The following SLC22A5 variants were observed in gnomAD, a reference collection of about 807,000 sequenced individuals.
The protein encoded by SLC22A5 is solute carrier family 22 member 5.
In SLC22A5, 44 loss-of-function variants were observed where a neutral mutation model predicts 56.7. The ratio of observed to expected loss-of-function variants is 0.78; its 90% CI spans 0.61 to 1.00. The LOEUF is 1.00. Ranked by LOEUF, SLC22A5 falls within the 50% of genes least tolerant of loss-of-function variation. The pLI, the probability that SLC22A5 is intolerant of heterozygous loss-of-function variation, is 0.00. For synonymous variants in SLC22A5, 278 were observed against 292.1 expected (o/e 0.95, Z 0.49); for missense variants, 675 against 723.0 (o/e 0.93, Z 0.76).
At chr5:132,378,670 T>A (rs1752237671) in intron 2 of SLC22A5, 189 bp downstream of exon 2, 1 of 614,764 alleles carries the variant, frequency 1.6e-6, no homozygotes, top group African/African-American at 1.8e-5. Flanking sequence ...TCCGTAATTC[T>A]TGCTAAGTAA....
chr5:132,370,953 C>CTTTTTTTTTTTTTTTTTTTT, intron 1 of SLC22A5, among the ~76,000 whole-genome samples: 1 of 133,784 alleles, frequency 7.5e-6, no homozygotes, highest in Non-Finnish European at 1.6e-5. Context: ...AGTTGTCAGT[C>CTTTTTTTTTTTTTTTTTTTT]TTTTTTTTTT....
rs200125400 is a variant in SLC22A5, at chr5:132,390,866, G to A, written c.1229G>A (p.Gly410Asp). 50 of 1,614,202 alleles carry A rather than the reference G, an allele frequency of 3.1e-5. No individual in the cohort carries two copies. The East Asian group carries it at 1.0e-3, about 32-fold the overall frequency. Residue 410 changes from glycine to aspartate, a missense_variant, in exon 7 of 10, where the codon GGT becomes GAT. Gly to Asp is a moderately conservative substitution (Grantham distance 94). Transcript: ENST00000245407. ...TCCATGGCCACTGCCCTCTTCCTGG[G>A]TGGCAGTGTCCTTCTCTTCATGCAG... ...RYSMATALFLGGSVLLFMQLV... is the reference protein window; with the variant it reads ...RYSMATALFLDGSVLLFMQLV...
At chr5:132,391,357 A>C (rs1168002237) in intron 7 of SLC22A5, among the ~76,000 whole-genome samples, 1 of 152,196 alleles carries the variant, frequency 6.6e-6, no homozygotes, top group Non-Finnish European at 1.5e-5. Context: ...CCTAGATGAG[A>C]AGACAGACAA....
At position 132,370,052 on chromosome 5, in the gene SLC22A5, C is replaced by A; in HGVS notation, c.80C>A (p.Ala27Asp). 6.2e-7 allele frequency: 1 copy of A among 1,613,368 alleles called. No homozygotes were observed. Among genetic ancestry groups the A allele is most frequent in the South Asian group, 1.1e-5 (1 of 91,076 alleles). Residue 27 changes from alanine to aspartate, a missense_variant, in exon 1 of 10, where the codon GCC becomes GAC. Physicochemically the swap from Ala to Asp is moderately radical, Grantham distance 126. Coordinates refer to ENST00000245407, the MANE Select transcript of SLC22A5 (RefSeq NM_003060.4). Reference sequence around the variant, plus strand: ...CGCCTCATCTTCTTCCTGCTCAGCGCCAGCATCATCCCCAATGGCTTCACC... The same window carrying A: ...CGCCTCATCTTCTTCCTGCTCAGCGACAGCATCATCCCCAATGGCTTCACC... ...FQRLIFFLLS[A>D]SIIPNGFTGL...
In SLC22A5 at chr5:132,369,869, T is replaced by G. The variant is rs985225074; in HGVS notation, c.-104T>G. On this transcript the variant is annotated 5_prime_UTR_variant, in exon 1 of 10. Transcript: ENST00000245407. ...CCTCCGCGGACGGTCTTGGGTCGCCTGCTGCCTGGCTTGCCTGGTCGGCGG... is the reference window on the plus strand; with the variant it reads ...CCTCCGCGGACGGTCTTGGGTCGCCGGCTGCCTGGCTTGCCTGGTCGGCGG... The G allele has an allele frequency of 1.3e-6, 2 of 1,482,824 alleles. No individual in the cohort carries two copies. Among genetic ancestry groups the G allele is most frequent in the African/African-American group, 2.8e-5 (2 of 71,848 alleles). The allele number at this position is 1,482,824 out of a possible 1,614,324, so 91.9% of individuals were successfully genotyped here.
intron 5 of SLC22A5, among the ~76,000 whole-genome samples, chr5:132,387,497 TTG>T (rs1752575175): frequency 6.6e-6 from 1 of 152,236 alleles, no homozygotes; most frequent in Non-Finnish European, 1.5e-5. Flanking sequence ...GGGAAAATCA[TTG>T]TTTCTTATAC....
chr5:132,387,279 A>G, intron 5 of SLC22A5, 128 bp downstream of exon 5: 1 of 1,106,520 alleles, frequency 9.0e-7, no homozygotes. Flanking sequence ...CCAACTGCCC[A>G]TTCCCCCCAT....
chr5:132,394,582 G>T lies in SLC22A5; in HGVS notation c.*310G>T, dbSNP rs981529559. The T allele has an allele frequency of 2.3e-6, 1 of 438,990 alleles. No individual in the cohort carries two copies. 27.2% of individuals were successfully genotyped at this position (438,990 alleles called of 1,614,324 possible). A position where few individuals can be genotyped will look rare whatever the true frequency, so the allele number is the denominator to read the frequency against. On this transcript the variant is annotated 3_prime_UTR_variant, in exon 10 of 10. Transcript: ENST00000245407. The stretch of plus-strand genomic sequence containing the variant: ...GAACCAGTGAGATCTGGAGGAATGT[G>T]AGAAGCATATGCTAAATGTACATTT...
intron 1 of SLC22A5, among the ~76,000 whole-genome samples, chr5:132,374,668 T>G (rs1251642138): frequency 6.6e-6 from 1 of 151,458 alleles, no homozygotes; most frequent in Non-Finnish European, 1.5e-5. Context: ...TGGCCATGAG[T>G]GGTCAGATTG....
intron 4 of SLC22A5, among the ~76,000 whole-genome samples, chr5:132,386,293 T>C (rs1752526714): frequency 6.6e-6 from 1 of 151,956 alleles, no homozygotes; most frequent in Non-Finnish European, 1.5e-5. Context: ...AGTGGCGTGA[T>C]TTCCACTTAC....
At chr5:132,385,012 GA>G (rs963778207) in intron 3 of SLC22A5, among the ~76,000 whole-genome samples, 7 of 152,150 alleles carry the variant, frequency 4.6e-5, no homozygotes, top group African/African-American at 1.7e-4. Flanking sequence ...ACTTAGTAAT[GA>G]CTTCACTTTT....
intron 6 of SLC22A5, 25 bp downstream of exon 6, chr5:132,389,046 G>T: frequency 3.4e-6 from 5 of 1,489,492 alleles, no homozygotes; most frequent in Admixed American, 1.7e-5. Flanking sequence ...CCTGCCTGAG[G>T]CTTCCAGACA....
At chr5:132,380,245 G>A (rs1204873490) in intron 2 of SLC22A5, 2 of 152,398 alleles carry the variant, frequency 1.3e-5, no homozygotes, top group African/African-American at 4.8e-5. Context: ...AAAAGGCATG[G>A]GAGCAGGACA....
chr5:132,381,887 C>T (rs967169101), intron 2 of SLC22A5: 1 of 152,234 alleles, frequency 6.6e-6, no homozygotes, highest in South Asian at 2.1e-4. Context: ...CCTACCATCC[C>T]AGGGAGCTCT....
chr5:132,394,127 A>C, intron 9 of SLC22A5, 58 bp from the exon 10 acceptor site: 1 of 1,106,814 alleles, frequency 9.0e-7, no homozygotes. Context: ...GTTTGTTTGG[A>C]GACTGGGAGG....
intron 2 of SLC22A5, 193 bp downstream of exon 2, chr5:132,378,674 TAAGTA>T: frequency 1.6e-6 from 1 of 609,916 alleles, no homozygotes; most frequent in Non-Finnish European, 2.9e-6. Context: ...TAATTCTTGC[TAAGTA>T]AAGAAACCTG....
At chr5:132,387,888 C>G (rs1278351823) in intron 5 of SLC22A5, 2 of 155,432 alleles carry the variant, frequency 1.3e-5, no homozygotes, top group Non-Finnish European at 2.9e-5. Context: ...TAAATGCTGC[C>G]TGGTGGGGTT....
rs1225763110 is a variant in SLC22A5, at chr5:132,370,044, G to C, written c.72G>C (p.Leu24=). 2 of 1,613,384 alleles carry C rather than the reference G, an allele frequency of 1.2e-6. No homozygotes were observed. Among genetic ancestry groups the C allele is most frequent in the South Asian group, 2.2e-5 (2 of 91,080 alleles). Residue 24 remains leucine, a synonymous_variant, in exon 1 of 10, where the codon CTG becomes CTC. Coordinates refer to ENST00000245407, the MANE Select transcript of SLC22A5 (RefSeq NM_003060.4). ...CCTTCCAGCGCCTCATCTTCTTCCT[G>C]CTCAGCGCCAGCATCATCCCCAATG... is the stretch of plus-strand genomic sequence containing the variant. ...WGPFQRLIFF[L]LSASIIPNGF... is the part of the protein sequence containing the mutation.
Position 132,392,465 on chromosome 5 carries a change from G to A in SLC22A5, c.1300G>A (p.Val434Met), listed in dbSNP as rs1431775821. ...LYYLATVLVM[V>M]GKFGVTAAFS... Reference sequence around the variant, plus strand: ...TTATTTGGCTACAGTCCTGGTGATGGTGGGCAAGTTTGGAGTCACGGCTGC... The same window carrying A: ...TTATTTGGCTACAGTCCTGGTGATGATGGGCAAGTTTGGAGTCACGGCTGC... The change falls in exon 8 of 10, where the codon GTG (valine) becomes ATG (methionine). Residue 434 changes from valine to methionine, a missense_variant. Transcript: ENST00000245407. The A allele has an allele frequency of 6.2e-7, 1 of 1,614,214 alleles. No individual in the cohort carries two copies. Among genetic ancestry groups the A allele is most frequent in the Admixed American group, 1.7e-5 (1 of 60,026 alleles).
Sources: gnomAD v4.1 joint callset for allele counts (sites outside exome capture counted in the v4.1 genomes callset) on GRCh38, gnomAD v4.1.1 for gene constraint, MANE v1.5 for transcripts, NCBI Gene and HGNC (gene_info 2026-07-23, HGNC 2026-07-21) for gene names.